PTPRG: variants seen among roughly 807,000 people sequenced by gnomAD.
The protein encoded by PTPRG is protein tyrosine phosphatase receptor type G, also known as receptor-type tyrosine-protein phosphatase gamma.
PTPRG carries 102 observed loss-of-function variants against 165.3 expected under a neutral mutation model. The ratio of observed to expected loss-of-function variants is 0.62; its 90% CI spans 0.53 to 0.73. The LOEUF (loss-of-function observed/expected upper bound fraction) is 0.73, where lower values mean the gene tolerates loss of function less well. PTPRG is among the 30% of genes least tolerant of loss of function. PTPRG has a pLI of 0.00. For missense variants in PTPRG, 1,866 were observed against 1,861.4 expected, an observed-to-expected ratio of 1.00 and a Z score of -0.05; for synonymous variants, 675 against 669.5, an observed-to-expected ratio of 1.01 and a Z score of -0.13.
intron 9 of PTPRG, among the ~76,000 whole-genome samples, chr3:62,194,399 C>T (rs1699909003): frequency 6.6e-6 from 1 of 152,188 alleles, no homozygotes; most frequent in Non-Finnish European, 1.5e-5. Flanking sequence ...AGAACTGACT[C>T]AGAACCCCAC....
intron 2 of PTPRG, chr3:61,770,974 A>G (rs1196950042): frequency 6.6e-6 from 1 of 152,094 alleles, no homozygotes; most frequent in Non-Finnish European, 1.5e-5. Context: ...CACTAGAGAT[A>G]GAGTTATCCT....
chr3:61,682,199 A>G (rs1703469835), intron 1 of PTPRG, among the ~76,000 whole-genome samples: 1 of 150,276 alleles, frequency 6.7e-6, no homozygotes, highest in African/African-American at 2.4e-5. Context: ...AATTTTGGAA[A>G]TAATGGTGAA....
At chr3:62,124,435 A>C (rs1033059036) in intron 5 of PTPRG, 10 of 1,613,824 alleles carry the variant, frequency 6.2e-6, no homozygotes, top group African/African-American at 1.3e-5. Flanking sequence ...TCTTGCTCAC[A>C]TTCTTGTTCT....
At chr3:62,041,717 A>G (rs1406778252) in intron 4 of PTPRG, among the ~76,000 whole-genome samples, 1 of 152,148 alleles carries the variant, frequency 6.6e-6, no homozygotes, top group Non-Finnish European at 1.5e-5. Context: ...ATTAGATGTC[A>G]TATACCGAGA....
intron 1 of PTPRG, among the ~76,000 whole-genome samples, chr3:61,740,212 T>C (rs1044135262): frequency 6.6e-6 from 1 of 152,204 alleles, no homozygotes; most frequent in African/African-American, 2.4e-5. Context: ...ATTTTCCTGG[T>C]AATATTATAG....
intron 2 of PTPRG, among the ~76,000 whole-genome samples, chr3:61,956,288 TCTCTCTCA>T (rs1010450992): frequency 1.2e-4 from 13 of 107,710 alleles, no homozygotes; most frequent in African/African-American, 3.6e-4. Flanking sequence ...TCTCTCTCTC[TCTCTCTCA>T]CACACACACA....
At chr3:61,592,190 C>G (rs1553638960) in intron 1 of PTPRG, among the ~76,000 whole-genome samples, 1 of 152,058 alleles carries the variant, frequency 6.6e-6, no homozygotes, top group Non-Finnish European at 1.5e-5. Flanking sequence ...TGGTCTCGAA[C>G]TCCCAACCTC....
At chr3:62,143,540 G>C (rs2106650608) in intron 6 of PTPRG, among the ~76,000 whole-genome samples, 1 of 150,694 alleles carries the variant, frequency 6.6e-6, no homozygotes, top group Admixed American at 6.6e-5. Flanking sequence ...AAAAATTTTA[G>C]TCTCATGAAG....
At chr3:61,820,601 C>CTTTTTTTTTTTTT in intron 2 of PTPRG, among the ~76,000 whole-genome samples, 1 of 98,700 alleles carries the variant, frequency 1.0e-5, no homozygotes, top group Admixed American at 1.1e-4. Flanking sequence ...TCCTGTGTCT[C>CTTTTTTTTTTTTT]TGTTTTTTTT....
intron 4 of PTPRG, among the ~76,000 whole-genome samples, chr3:62,077,059 A>G (rs1309584464): frequency 1.3e-5 from 2 of 152,112 alleles, no homozygotes; most frequent in Non-Finnish European, 2.9e-5. Context: ...TGAGGCCAGG[A>G]GTTTGAAACC....
At chr3:61,698,835 A>C (rs937954210) in intron 1 of PTPRG, among the ~76,000 whole-genome samples, 4 of 152,258 alleles carry the variant, frequency 2.6e-5, no homozygotes, top group Admixed American at 2.0e-4. Flanking sequence ...AATACTATGC[A>C]GCCATAAAAA....
intron 2 of PTPRG, among the ~76,000 whole-genome samples, chr3:61,974,094 AC>A (rs1484782838): frequency 1.3e-5 from 2 of 152,108 alleles, no homozygotes; most frequent in Admixed American, 1.3e-4. Flanking sequence ...TAAACAAGTT[AC>A]TGTGATGCCT....
chr3:61,950,882 G>A (rs1018005617), intron 2 of PTPRG, among the ~76,000 whole-genome samples: 2 of 152,132 alleles, frequency 1.3e-5, no homozygotes, highest in African/African-American at 4.8e-5. Context: ...TTGAAGAACG[G>A]GATTTCTGGA....
rs184574943 is a variant in PTPRG at position 61,844,501 on chromosome 3, G to A, written c.190+95519G>A. Among the ~76,000 whole-genome samples, 4 of 152,182 alleles carry A rather than the reference G, an allele frequency of 2.6e-5. No individual in the cohort carries two copies. In the East Asian group the frequency reaches 7.8e-4, roughly 29 times the overall value. On this transcript the variant is annotated intron_variant, in intron 2 of 29. Transcript: ENST00000474889. ...CAAATTTAAGTGGGCATCTGTTTTT[G>A]TTGTTGTTGTTACTGTGTTTTTAAG...
intron 5 of PTPRG, among the ~76,000 whole-genome samples, chr3:62,122,706 G>T (rs550036738): frequency 9.9e-5 from 15 of 152,052 alleles, no homozygotes; most frequent in Non-Finnish European, 2.1e-4. Flanking sequence ...CTCCATTTGG[G>T]GTTCGCTCAT....
chr3:61,792,413 A>G (rs1488011602), intron 2 of PTPRG, among the ~76,000 whole-genome samples: 1 of 151,894 alleles, frequency 6.6e-6, no homozygotes, highest in East Asian at 2.0e-4. Context: ...TTTTGTAGAG[A>G]TAGGGACTCA....
Position 62,240,992 on chromosome 3 carries a change from T to C in PTPRG, c.2376-2815T>C, listed in dbSNP as rs556291310. ...TGTTTATCATTGTGCTCCCAGCTCC[T>C]CACTGCAGATAGATCAAGGAATAGT... On this transcript the variant is annotated intron_variant, in intron 14 of 29. Transcript: ENST00000474889. This position sits in a 1 kb window ranked among gnomAD's most constrained non-coding sequence, Gnocchi z 5.1. Among the ~76,000 whole-genome samples the C allele has an allele frequency of 3.9e-5, 6 of 152,310 alleles. No homozygotes were observed. The highest frequency in any genetic ancestry group is 6.8e-3 in the Middle Eastern group (2 of 294).
chr3:61,898,141 A>T (rs1394337680), intron 2 of PTPRG, among the ~76,000 whole-genome samples: 1 of 152,214 alleles, frequency 6.6e-6, no homozygotes, highest in Non-Finnish European at 1.5e-5. Context: ...TCTTAGAAAG[A>T]ACACATTTGG....
intron 1 of PTPRG, among the ~76,000 whole-genome samples, chr3:61,601,053 G>A (rs542491877): frequency 2.6e-5 from 4 of 152,280 alleles, no homozygotes; most frequent in East Asian, 1.9e-4. Flanking sequence ...TCGGGAGTTC[G>A]AGACCAGCCT....
Sources: gnomAD v4.1 joint callset for allele counts (sites outside exome capture counted in the v4.1 genomes callset) on GRCh38, gnomAD v4.1.1 for gene constraint, Gnocchi (gnomAD v3.1) non-coding constraint, MANE v1.5 for transcripts, NCBI Gene and HGNC (gene_info 2026-07-23, HGNC 2026-07-21) for gene names.